Variants in MAPT observed in about 807,000 individuals in gnomAD.
MAPT encodes microtubule associated protein tau.
MAPT carries 34 observed loss-of-function variants against 67.9 expected under a neutral mutation model. The ratio of observed to expected loss-of-function variants is 0.50; its 90% CI spans 0.38 to 0.67. The LOEUF is 0.67. Ranked by LOEUF, MAPT falls within the 30% of genes least tolerant of loss-of-function variation. The pLI is 0.00. For missense variants in MAPT, 881 were observed against 1,115.2 expected, an observed-to-expected ratio of 0.79 and a Z score of 2.99; for synonymous variants, 456 against 464.5, an observed-to-expected ratio of 0.98 and a Z score of 0.23.
At chr17:46,003,493 G>T (rs1194561094) in intron 9 of MAPT, among the ~76,000 whole-genome samples, 1 of 151,938 alleles carries the variant, frequency 6.6e-6, no homozygotes, top group African/African-American at 2.4e-5. Flanking sequence ...TTGCCAAGCT[G>T]GTCTCAAACT....
chr17:45,997,265 C>T (rs1361063052), intron 9 of MAPT, among the ~76,000 whole-genome samples: 1 of 152,160 alleles, frequency 6.6e-6, no homozygotes, highest in African/African-American at 2.4e-5. Context: ...CCCTGTGCCC[C>T]TCGTCTGGGT....
Position 45,983,505 on chromosome 17 carries a change from C to A in MAPT, c.926C>A (p.Pro309His). 2 of 1,612,460 alleles carry A rather than the reference C, an allele frequency of 1.2e-6. No homozygotes were observed. Among genetic ancestry groups the A allele is most frequent in the Non-Finnish European group, 1.7e-6 (2 of 1,179,610 alleles). Residue 309 changes from proline to histidine, a missense_variant, in exon 5 of 13, where the codon CCC (proline) becomes CAC (histidine). By Grantham distance (77) the Pro-to-His change is moderately conservative (BLOSUM62 -2). Coordinates refer to ENST00000262410, the MANE Select transcript of MAPT (RefSeq NM_001377265.1). ...VDESSPQDSP[P>H]SKASPAQDGR... ...GAGTCCTCCCCCCAAGACTCCCCTC[C>A]CTCCAAGGCCTCCCCAGCCCAAGAT... is the stretch of plus-strand genomic sequence containing the variant.
intron 9 of MAPT, among the ~76,000 whole-genome samples, chr17:46,005,308 G>A (rs2075337123): frequency 6.6e-6 from 1 of 152,146 alleles, no homozygotes; most frequent in Non-Finnish European, 1.5e-5. Context: ...GATCACTCTT[G>A]TAATTATCAG....
intron 3 of MAPT, chr17:45,974,181 C>T (rs1219962196): frequency 3.3e-6 from 2 of 614,068 alleles, no homozygotes; most frequent in Admixed American, 5.0e-5. Context: ...GGTTCATGAG[C>T]CAGAACCACT....
At chr17:45,919,432 CTG>C (rs918364823) in intron 1 of MAPT, among the ~76,000 whole-genome samples, 3 of 152,236 alleles carry the variant, frequency 2.0e-5, no homozygotes, top group Admixed American at 2.0e-4. Flanking sequence ...TGCCCCTACT[CTG>C]TGGAGAACCG....
At chr17:45,972,104 C>A (rs985695659) in intron 3 of MAPT, 159 bp downstream of exon 3, 1 of 710,344 alleles carries the variant, frequency 1.4e-6, no homozygotes, top group African/African-American at 1.7e-5. Flanking sequence ...AGCCTTGCGT[C>A]GATGCCTTGC....
At position 45,897,053 on chromosome 17, in the gene MAPT, G is replaced by A. The variant is rs1356967733; in HGVS notation, c.-18+2367G>A. On this transcript the variant is annotated intron_variant, in intron 1 of 12. Coordinates refer to ENST00000262410, the MANE Select transcript of MAPT (RefSeq NM_001377265.1). This position sits in a 1 kb window ranked among gnomAD's most constrained non-coding sequence, Gnocchi z 5.0. ...ACCAGGCCGACCCTCCTTGACGGTG[G>A]CGTAGAGGGCTGGAGCCTGGGTACT... 1 of 152,288 alleles carries A rather than the reference G, an allele frequency of 6.6e-6. No individual in the cohort carries two copies. The highest frequency in any genetic ancestry group is 1.5e-5 in the Non-Finnish European group (1 of 68,098). The allele number at this position is 152,288 out of a possible 1,614,324, so 9.4% of individuals were successfully genotyped here. A position where few individuals can be genotyped will look rare whatever the true frequency, so the allele number is the denominator to read the frequency against.
chr17:45,908,686 A>G (rs2064512461), intron 1 of MAPT, among the ~76,000 whole-genome samples: 1 of 152,142 alleles, frequency 6.6e-6, no homozygotes, highest in South Asian at 2.1e-4. Context: ...ATTACTTAGA[A>G]TTTGCAACCT....
chr17:45,979,696 T>C (rs1371485991), intron 4 of MAPT: 1 of 152,256 alleles, frequency 6.6e-6, no homozygotes, highest in Admixed American at 6.5e-5. Flanking sequence ...GGTCATGTTT[T>C]TCAGCTTAGG....
intron 1 of MAPT, among the ~76,000 whole-genome samples, chr17:45,938,942 G>A (rs1021551548): frequency 1.3e-5 from 2 of 151,382 alleles, no homozygotes; most frequent in African/African-American, 4.9e-5. Context: ...GCCTCCCAAG[G>A]AGCTGGGACT....
chr17:45,945,673 C>T (rs1392350270), intron 1 of MAPT, among the ~76,000 whole-genome samples: 3 of 152,070 alleles, frequency 2.0e-5, no homozygotes, highest in Non-Finnish European at 4.4e-5. Flanking sequence ...ATTAGCTGGG[C>T]GTGGTGGTGC....
chr17:45,973,882 A>G (rs1489362887), intron 3 of MAPT: 1 of 167,272 alleles, frequency 6.0e-6, no homozygotes, highest in Non-Finnish European at 1.3e-5. Flanking sequence ...TTTAGGGGTT[A>G]GAGCTGGGAG....
chr17:46,017,470 T>G (rs2076261873), intron 11 of MAPT, among the ~76,000 whole-genome samples: 1 of 100,314 alleles, frequency 1.0e-5, no homozygotes, highest in Non-Finnish European at 2.0e-5. Context: ...TTTTTTTTTT[T>G]GAGATGGAGT....
At position 46,003,316 on chromosome 17, in the gene MAPT, T is replaced by C. The variant is rs1475259840; in HGVS notation, c.1998+6652T>C. 2.9e-4 allele frequency among the ~76,000 whole-genome samples: 44 copies of C among 152,036 alleles called. 1 individual carries two copies. The highest frequency in any genetic ancestry group is 2.9e-5 in the Non-Finnish European group (2 of 68,012). The stretch of plus-strand genomic sequence containing the variant: ...TATTTTGAGACAGAGTCTCACTCTG[T>C]CACCCAGGCTGGAGTGCAGTGGTGC... On this transcript the variant is annotated intron_variant, in intron 9 of 12. Coordinates refer to ENST00000262410, the MANE Select transcript of MAPT (RefSeq NM_001377265.1).
chr17:45,911,091 A>G (rs2064753973), intron 1 of MAPT, among the ~76,000 whole-genome samples: 1 of 152,246 alleles, frequency 6.6e-6, no homozygotes, highest in Non-Finnish European at 1.5e-5. Context: ...TTCACATCAA[A>G]TGGAATCATG....
At chr17:46,018,779 TAATC>T in intron 12 of MAPT, 49 bp downstream of exon 12, 1 of 1,306,950 alleles carries the variant, frequency 7.7e-7, no homozygotes. Context: ...ATATGGGCAT[TAATC>T]AAGTTGAGTG....
chr17:45,927,820 G>A (rs113313477), intron 1 of MAPT, among the ~76,000 whole-genome samples: 21,734 of 151,798 alleles, frequency 0.14, 2,122 homozygotes, highest in Non-Finnish European at 0.22. Context: ...CTAACATGGT[G>A]AAACCCCATC....
intron 4 of MAPT, 199 bp downstream of exon 4, chr17:45,978,639 TAATTCCTAAGGC>T (rs2072633584): frequency 1.2e-5 from 7 of 587,750 alleles, no homozygotes; most frequent in Non-Finnish European, 1.8e-5. Flanking sequence ...CATTTCTGGG[TAATTCCTAAGGC>T]ATTTAGTGTT....
intron 2 of MAPT, among the ~76,000 whole-genome samples, chr17:45,969,676 C>G (rs2071446026): frequency 6.6e-6 from 1 of 151,694 alleles, no homozygotes; most frequent in Non-Finnish European, 1.5e-5. Flanking sequence ...ATCCATCCAT[C>G]CACCCATCCC....
Sources: gnomAD v4.1 joint callset for allele counts (sites outside exome capture counted in the v4.1 genomes callset) on GRCh38, gnomAD v4.1.1 for gene constraint, Gnocchi (gnomAD v3.1) non-coding constraint, MANE v1.5 for transcripts, NCBI Gene and HGNC (gene_info 2026-07-23, HGNC 2026-07-21) for gene names.